Variants in TNNI3K observed in about 807,000 individuals in gnomAD.
TNNI3K encodes serine/threonine-protein kinase TNNI3K.
A neutral mutation model predicts 114.5 loss-of-function variants in TNNI3K; 140 were observed. The ratio of observed to expected loss-of-function variants is 1.22; its 90% CI spans 1.07 to 1.41. TNNI3K has a LOEUF of 1.41. TNNI3K is among the 40% of genes most tolerant of loss of function. The pLI is 0.00. For synonymous variants in TNNI3K, 347 were observed against 347.5 expected, an observed-to-expected ratio of 1.00 and a Z score of 0.02; for missense variants, 1,125 against 1,007.6, an observed-to-expected ratio of 1.12 and a Z score of -1.58.
chr1:74,394,779 T>C (rs1663986854), intron 17 of TNNI3K, among the ~76,000 whole-genome samples: 1 of 152,194 alleles, frequency 6.6e-6, no homozygotes, highest in African/African-American at 2.4e-5. Flanking sequence ...GCGCAGTGGC[T>C]CACGCCTGTA....
chr1:74,513,759 C>A (rs1451332248), intron 23 of TNNI3K, among the ~76,000 whole-genome samples: 1 of 152,170 alleles, frequency 6.6e-6, no homozygotes, highest in Non-Finnish European at 1.5e-5. Context: ...AAGCTGATGA[C>A]ACATTACTTT....
intron 5 of TNNI3K, among the ~76,000 whole-genome samples, 165 bp downstream of exon 5, chr1:74,271,873 G>A (rs1314563522): frequency 1.3e-5 from 2 of 151,870 alleles, no homozygotes; most frequent in Non-Finnish European, 2.9e-5. Flanking sequence ...GCTTTGGATA[G>A]TCAATTCAGT....
intron 17 of TNNI3K, chr1:74,372,264 A>G (rs1662655221): frequency 6.6e-6 from 1 of 151,762 alleles, no homozygotes; most frequent in Admixed American, 6.6e-5. Context: ...CTATTGCCCC[A>G]GGGAAATGGA....
chr1:74,255,600 T>C (rs953822797), intron 4 of TNNI3K, among the ~76,000 whole-genome samples: 2 of 152,230 alleles, frequency 1.3e-5, no homozygotes, highest in African/African-American at 4.8e-5. Flanking sequence ...CTTTTTGTTT[T>C]AGTTTGTTGA....
intron 21 of TNNI3K, among the ~76,000 whole-genome samples, chr1:74,484,721 A>G (rs1011093027): frequency 6.6e-6 from 1 of 152,172 alleles, no homozygotes; most frequent in Non-Finnish European, 1.5e-5. Context: ...AGAGTAGGGC[A>G]CAGAATCATA....
intron 5 of TNNI3K, among the ~76,000 whole-genome samples, chr1:74,328,241 C>T (rs944548788): frequency 6.6e-6 from 1 of 152,038 alleles, no homozygotes; most frequent in Non-Finnish European, 1.5e-5. Context: ...TAGTAGGGAA[C>T]AAAATAGATT....
intron 5 of TNNI3K, among the ~76,000 whole-genome samples, chr1:74,321,219 A>T (rs759605174): frequency 3.9e-5 from 6 of 152,136 alleles, no homozygotes; most frequent in Non-Finnish European, 7.4e-5. Context: ...AAAAATGTAT[A>T]CATCTAATGA....
chr1:74,319,580 AT>A (rs2100378349), intron 5 of TNNI3K, among the ~76,000 whole-genome samples: 1 of 152,310 alleles, frequency 6.6e-6, no homozygotes, highest in East Asian at 1.9e-4. Flanking sequence ...ACTTAGCATG[AT>A]GCTATACTCA....
At chr1:74,336,235 T>G (rs1660456271) in intron 7 of TNNI3K, 86 bp downstream of exon 7, 3 of 1,464,748 alleles carry the variant, frequency 2.0e-6, no homozygotes, top group Non-Finnish European at 2.7e-6. Flanking sequence ...AGAATAATCT[T>G]GAAGTTGACT....
intron 9 of TNNI3K, among the ~76,000 whole-genome samples, chr1:74,348,239 A>C (rs1183890378): frequency 6.7e-6 from 1 of 150,082 alleles, no homozygotes; most frequent in Non-Finnish European, 1.5e-5. Context: ...TCCCAGCACC[A>C]TTTATTAAAT....
intron 23 of TNNI3K, among the ~76,000 whole-genome samples, chr1:74,531,189 C>T (rs115770112): frequency 0.011 from 1,716 of 152,182 alleles, 17 homozygotes; most frequent in Non-Finnish European, 0.018. Flanking sequence ...AACCTCTGGC[C>T]CCATTAAATG....
chr1:74,348,297 C>G (rs1160272233), intron 9 of TNNI3K, among the ~76,000 whole-genome samples: 1 of 152,160 alleles, frequency 6.6e-6, no homozygotes, highest in African/African-American at 2.4e-5. Context: ...TGTCAAAGAT[C>G]AGATAGTTGT....
chr1:74,331,091 AAT>A (rs1227772563), intron 5 of TNNI3K, among the ~76,000 whole-genome samples: 1 of 152,172 alleles, frequency 6.6e-6, no homozygotes, highest in East Asian at 1.9e-4. Flanking sequence ...ATAAAGCATG[AAT>A]ATATGAGGCA....
chr1:74,287,021 C>T (rs1212882862), intron 5 of TNNI3K, among the ~76,000 whole-genome samples: 1 of 151,610 alleles, frequency 6.6e-6, no homozygotes, highest in Non-Finnish European at 1.5e-5. Flanking sequence ...AGAAATCAAT[C>T]AGAAACTCAG....
intron 4 of TNNI3K, among the ~76,000 whole-genome samples, chr1:74,267,593 A>G (rs939925400): frequency 3.3e-5 from 5 of 152,012 alleles, no homozygotes; most frequent in African/African-American, 1.2e-4. Flanking sequence ...GAGAGGATAT[A>G]GATAGAACAT....
chr1:74,518,677 A>T (rs61778068), intron 23 of TNNI3K, among the ~76,000 whole-genome samples: 2,994 of 152,176 alleles, frequency 0.02, 46 homozygotes, highest in Non-Finnish European at 0.032. Flanking sequence ...TTTCAAAACA[A>T]TATCTGTTTT....
chr1:74,282,480 A>C (rs1657076312), intron 5 of TNNI3K, among the ~76,000 whole-genome samples: 1 of 151,684 alleles, frequency 6.6e-6, no homozygotes, highest in Non-Finnish European at 1.5e-5. Context: ...TCTGTGTTCT[A>C]ATCTACTCTT....
intron 21 of TNNI3K, among the ~76,000 whole-genome samples, chr1:74,482,767 G>A (rs1360551644): frequency 2.6e-5 from 4 of 152,174 alleles, no homozygotes; most frequent in Admixed American, 2.0e-4. Context: ...TACAGGCAGT[G>A]TATCTTGTTA....
chr1:74,235,458 A>G lies in TNNI3K; in HGVS notation c.7A>G (p.Asn3Asp), dbSNP rs1653789767. 6.6e-7 allele frequency: 1 copy of G among 1,519,884 alleles called. No individual in the cohort carries two copies. Among genetic ancestry groups the G allele is most frequent in the East Asian group, 2.3e-5 (1 of 43,118 alleles). The allele number at this position is 1,519,884 out of a possible 1,614,324, so 94.1% of individuals were successfully genotyped here. A position where few individuals can be genotyped will look rare whatever the true frequency, so the allele number is the denominator to read the frequency against. The change falls in exon 1 of 25, where the codon AAT becomes GAT. Residue 3 changes from asparagine to aspartate, a missense_variant. Coordinates refer to ENST00000326637, the MANE Select transcript of TNNI3K (RefSeq NM_015978.3). ...AGGAAGAAACTTATAATAAATGGGA[A>G]ATTATAAATCTAGACCAACCCAAAC... MG[N>D]YKSRPTQTCT...
Sources: allele counts gnomAD v4.1 joint callset (sites outside exome capture counted in the v4.1 genomes callset), GRCh38; gene constraint gnomAD v4.1.1; transcripts MANE v1.5; gene names NCBI Gene and HGNC (gene_info 2026-07-23, HGNC 2026-07-21).